The following WDR72 variants were observed in gnomAD, a reference collection of about 807,000 sequenced individuals.
WDR72 encodes WD repeat domain 72, also known as WD repeat-containing protein 72.
A neutral mutation model predicts 124.2 loss-of-function variants in WDR72; 120 were observed. The observed-to-expected ratio is 0.97, with a 90% CI of 0.83 to 1.12. The LOEUF (loss-of-function observed/expected upper bound fraction) is 1.12. Among genes scored for constraint, WDR72 ranks in the 50% most tolerant of loss-of-function variants. The pLI is 0.00. For synonymous variants in WDR72, 452 were observed against 441.7 expected, an observed-to-expected ratio of 1.02 and a Z score of -0.29; for missense variants, 1,387 against 1,278.8, an observed-to-expected ratio of 1.08 and a Z score of -1.29.
At chr15:53,539,408 G>C (rs368065224) in intron 18 of WDR72, among the ~76,000 whole-genome samples, 20 of 152,202 alleles carry the variant, frequency 1.3e-4, no homozygotes, top group African/African-American at 4.6e-4. Context: ...CAGGTGATCA[G>C]AGGGATATGG....
At chr15:53,681,366 A>T (rs1223672034) in intron 13 of WDR72, among the ~76,000 whole-genome samples, 1 of 152,192 alleles carries the variant, frequency 6.6e-6, no homozygotes, top group Non-Finnish European at 1.5e-5. Context: ...TGTCATATAA[A>T]ATGCTTGAAG....
intron 14 of WDR72, among the ~76,000 whole-genome samples, chr15:53,627,481 A>G (rs1022045088): frequency 2.0e-5 from 3 of 152,254 alleles, no homozygotes; most frequent in Non-Finnish European, 2.9e-5. Context: ...ATGCAGGATT[A>G]CACTAACAGT....
intron 1 of WDR72, among the ~76,000 whole-genome samples, chr15:53,736,504 G>A (rs1183967239): frequency 1.3e-5 from 2 of 152,206 alleles, no homozygotes; most frequent in Non-Finnish European, 2.9e-5. Flanking sequence ...GGACAGTGAA[G>A]GAAGTGGCCC....
At chr15:53,570,710 G>A (rs1006555665) in intron 18 of WDR72, among the ~76,000 whole-genome samples, 2 of 151,976 alleles carry the variant, frequency 1.3e-5, no homozygotes, top group Non-Finnish European at 2.9e-5. Context: ...ATTATCATTC[G>A]ATCCATCAAA....
intron 18 of WDR72, among the ~76,000 whole-genome samples, chr15:53,539,319 C>G (rs75618452): frequency 6.6e-6 from 1 of 151,966 alleles, no homozygotes; most frequent in Admixed American, 6.6e-5. Context: ...ATACATTTAC[C>G]TGTAGAACTA....
chr15:53,695,455 C>T (rs2016974125), intron 13 of WDR72, among the ~76,000 whole-genome samples: 1 of 152,214 alleles, frequency 6.6e-6, no homozygotes, highest in Non-Finnish European at 1.5e-5. Context: ...CCAAGCCGCC[C>T]AGAGTTGTCA....
intron 18 of WDR72, among the ~76,000 whole-genome samples, chr15:53,564,979 A>T (rs958673437): frequency 3.9e-5 from 6 of 151,922 alleles, no homozygotes; most frequent in South Asian, 2.1e-4. Context: ...TAATGCAGAT[A>T]GTCCATGAGC....
intron 13 of WDR72, among the ~76,000 whole-genome samples, chr15:53,698,139 T>C (rs1016532441): frequency 1.3e-5 from 2 of 152,150 alleles, no homozygotes; most frequent in African/African-American, 4.8e-5. Context: ...GGAATAAATA[T>C]AATCTCAAGA....
At chr15:53,617,709 C>T (rs1033132072) in intron 14 of WDR72, among the ~76,000 whole-genome samples, 11 of 151,682 alleles carry the variant, frequency 7.3e-5, no homozygotes, top group Admixed American at 2.0e-4. Context: ...CAAGTAGTAA[C>T]CAGAAAAATG....
At chr15:53,691,081 ATT>A (rs2016823263) in intron 13 of WDR72, among the ~76,000 whole-genome samples, 1 of 152,124 alleles carries the variant, frequency 6.6e-6, no homozygotes, top group Non-Finnish European at 1.5e-5. Context: ...ATAGGGTCTC[ATT>A]CTGTCACCCA....
chr15:53,697,803 CTTA>C (rs2017048024), intron 13 of WDR72, among the ~76,000 whole-genome samples: 1 of 151,916 alleles, frequency 6.6e-6, no homozygotes, highest in Non-Finnish European at 1.5e-5. Flanking sequence ...ATTAATAGCA[CTTA>C]TTATTATTAT....
At chr15:53,705,612 G>A (rs533356643) in intron 10 of WDR72, among the ~76,000 whole-genome samples, 2 of 152,156 alleles carry the variant, frequency 1.3e-5, no homozygotes, top group Admixed American at 1.3e-4. Flanking sequence ...ACAGGTGCAT[G>A]CTGCCATGCC....
At chr15:53,706,331 CGT>C (rs58315386) in intron 9 of WDR72, among the ~76,000 whole-genome samples, 7,695 of 50,812 alleles carry the variant, frequency 0.15, 660 homozygotes, top group East Asian at 0.25. Context: ...GTTATATGTG[CGT>C]GTGTGTGTGT....
intron 19 of WDR72, among the ~76,000 whole-genome samples, chr15:53,519,107 C>T (rs1891639107): frequency 6.6e-6 from 1 of 151,950 alleles, no homozygotes; most frequent in African/African-American, 2.4e-5. Flanking sequence ...ATTTTCCAAG[C>T]CAATATGGTG....
At chr15:53,725,215 C>T (rs959415100) in intron 2 of WDR72, among the ~76,000 whole-genome samples, 9 of 151,912 alleles carry the variant, frequency 5.9e-5, no homozygotes, top group African/African-American at 1.7e-4. Flanking sequence ...TGCTCCATAT[C>T]GTATGTCATA....
intron 18 of WDR72, among the ~76,000 whole-genome samples, chr15:53,541,421 C>A (rs1039136156): frequency 1.3e-5 from 2 of 151,616 alleles, no homozygotes; most frequent in African/African-American, 4.9e-5. Flanking sequence ...AACAGACCTG[C>A]AGCTGAGGGT....
At chr15:53,688,388 CA>C (rs1475303970) in intron 13 of WDR72, among the ~76,000 whole-genome samples, 3 of 148,134 alleles carry the variant, frequency 2.0e-5, no homozygotes, top group Non-Finnish European at 4.5e-5. Flanking sequence ...AATCAATGTA[CA>C]AAAATCACAA....
At chr15:53,677,022 G>A (rs1435609284) in intron 13 of WDR72, among the ~76,000 whole-genome samples, 1 of 149,922 alleles carries the variant, frequency 6.7e-6, no homozygotes. Flanking sequence ...CTGGGTCCAC[G>A]CCATTCTCCT....
intron 17 of WDR72, among the ~76,000 whole-genome samples, chr15:53,601,376 G>A (rs1477923122): frequency 6.6e-6 from 1 of 152,026 alleles, no homozygotes; most frequent in Non-Finnish European, 1.5e-5. Context: ...ATATAGAAAG[G>A]AGGGACTGTT....
Sources: gnomAD v4.1 joint callset for allele counts (sites outside exome capture counted in the v4.1 genomes callset) on GRCh38, gnomAD v4.1.1 for gene constraint, MANE v1.5 for transcripts, NCBI Gene and HGNC (gene_info 2026-07-23, HGNC 2026-07-21) for gene names.